CNOT6L: variants seen among roughly 807,000 people sequenced by gnomAD.
CNOT6L encodes the protein CCR4-NOT transcription complex subunit 6-like.
CNOT6L carries 7 observed loss-of-function variants against 64.0 expected under a neutral mutation model. The ratio of observed to expected loss-of-function variants is 0.11; its 90% CI spans 0.06 to 0.21. The LOEUF is 0.21. CNOT6L is among the 10% of genes least tolerant of loss of function. CNOT6L has a pLI of 1.00. For missense variants in CNOT6L, 245 were observed against 669.0 expected (o/e 0.37, Z 6.99); for synonymous variants, 193 against 243.4 (o/e 0.79, Z 1.93).
chr4:77,735,393 G>C (rs1210537229), intron 8 of CNOT6L, among the ~76,000 whole-genome samples: 1 of 152,158 alleles, frequency 6.6e-6, no homozygotes, highest in African/African-American at 2.4e-5. Flanking sequence ...GAAAACTGAG[G>C]CTGGGCAAGT....
At chr4:77,783,331 A>T (rs1265453702) in intron 1 of CNOT6L, among the ~76,000 whole-genome samples, 1 of 152,218 alleles carries the variant, frequency 6.6e-6, no homozygotes, top group East Asian at 1.9e-4. Flanking sequence ...AGGGTGCTTC[A>T]ATAGTGAACA....
intron 1 of CNOT6L, among the ~76,000 whole-genome samples, chr4:77,801,830 A>C (rs908271342): frequency 6.6e-6 from 1 of 152,158 alleles, no homozygotes; most frequent in Non-Finnish European, 1.5e-5. Context: ...CCGAGGCTAT[A>C]GCAAACTATG....
At chr4:77,816,710 T>C (rs1162023007) in intron 1 of CNOT6L, among the ~76,000 whole-genome samples, 1 of 152,208 alleles carries the variant, frequency 6.6e-6, no homozygotes, top group Non-Finnish European at 1.5e-5. Flanking sequence ...ATAAATTACG[T>C]AAGCCCTACT....
At chr4:77,722,504 A>G (rs1721387133) in intron 11 of CNOT6L, among the ~76,000 whole-genome samples, 3 of 152,176 alleles carry the variant, frequency 2.0e-5, no homozygotes. Context: ...CAGAGGTTGC[A>G]GTGTACTTAG....
chr4:77,805,191 C>T (rs903370989), intron 1 of CNOT6L, among the ~76,000 whole-genome samples: 3 of 152,098 alleles, frequency 2.0e-5, no homozygotes, highest in Non-Finnish European at 4.4e-5. Flanking sequence ...CAAGCTTGAT[C>T]GCCATGAAGC....
intron 6 of CNOT6L, 147 bp from the exon 7 acceptor site, chr4:77,745,022 A>C (rs1177619460): frequency 1.9e-6 from 1 of 523,032 alleles, no homozygotes; most frequent in Non-Finnish European, 3.2e-6. Context: ...AAAGATTGCT[A>C]ATCTACTAAA....
At chr4:77,778,309 T>C (rs976242913) in intron 1 of CNOT6L, among the ~76,000 whole-genome samples, 7 of 152,020 alleles carry the variant, frequency 4.6e-5, no homozygotes, top group African/African-American at 1.7e-4. Flanking sequence ...CAAATAGATC[T>C]AGATCCAAAG....
intron 4 of CNOT6L, among the ~76,000 whole-genome samples, chr4:77,757,581 A>G (rs935737689): frequency 4.6e-5 from 7 of 152,322 alleles, no homozygotes; most frequent in African/African-American, 1.7e-4. Flanking sequence ...CATTAAGACA[A>G]GCATGCAACA....
intron 1 of CNOT6L, among the ~76,000 whole-genome samples, chr4:77,805,990 C>T (rs372229307): frequency 1.5e-4 from 23 of 152,326 alleles, no homozygotes; most frequent in East Asian, 7.7e-4. Context: ...CTGCCTCTTC[C>T]GTTTTTCTCA....
chr4:77,808,401 G>A (rs1312723120), intron 1 of CNOT6L, among the ~76,000 whole-genome samples: 3 of 150,714 alleles, frequency 2.0e-5, no homozygotes, highest in African/African-American at 7.4e-5. Context: ...GGTGGAGGTT[G>A]CAGTGAGCTG....
chr4:77,805,205 A>T (rs896123036), intron 1 of CNOT6L, among the ~76,000 whole-genome samples: 1 of 152,230 alleles, frequency 6.6e-6, no homozygotes, highest in African/African-American at 2.4e-5. Context: ...ATGAAGCAGG[A>T]TAACCAGAAA....
intron 1 of CNOT6L, among the ~76,000 whole-genome samples, chr4:77,791,247 G>T (rs1449362202): frequency 3.3e-5 from 5 of 152,146 alleles, no homozygotes; most frequent in Non-Finnish European, 7.3e-5. Context: ...CTGCACTCCA[G>T]CCTGAGCAAC....
intron 1 of CNOT6L, among the ~76,000 whole-genome samples, chr4:77,800,576 T>C (rs930785908): frequency 1.3e-5 from 2 of 152,214 alleles, no homozygotes; most frequent in Non-Finnish European, 2.9e-5. Context: ...AAAGTCTGAA[T>C]AGCTGTAACA....
At chr4:77,741,584 T>A (rs556887401) in intron 8 of CNOT6L, among the ~76,000 whole-genome samples, 26 of 152,324 alleles carry the variant, frequency 1.7e-4, no homozygotes, top group Non-Finnish European at 2.9e-4. Flanking sequence ...TTACACCATA[T>A]GATATTGCAA....
At chr4:77,782,040 T>C (rs1728914865) in intron 1 of CNOT6L, among the ~76,000 whole-genome samples, 1 of 152,186 alleles carries the variant, frequency 6.6e-6, no homozygotes, top group Non-Finnish European at 1.5e-5. Context: ...ATTAAGCCTA[T>C]ATGAGGCTTA....
chr4:77,715,888 T>C lies in CNOT6L; in HGVS notation c.*4543A>G, dbSNP rs1720699518. Reference sequence around the variant, plus strand: ...TGGTAAATAAGACAGATTAAAGATGTACTAAAATGTTTGAATTAATTTTGG... The same window carrying C: ...TGGTAAATAAGACAGATTAAAGATGCACTAAAATGTTTGAATTAATTTTGG... On this transcript the variant is annotated 3_prime_UTR_variant, in exon 12 of 12. Transcript: ENST00000504123. The C allele has an allele frequency of 6.6e-6, 1 of 152,414 alleles. No homozygotes were observed. Among genetic ancestry groups the C allele is most frequent in the African/African-American group, 2.4e-5 (1 of 41,440 alleles). 9.4% of individuals were successfully genotyped at this position (152,414 alleles called of 1,614,324 possible). A position where few individuals can be genotyped will look rare whatever the true frequency, so the allele number is the denominator to read the frequency against.
intron 1 of CNOT6L, among the ~76,000 whole-genome samples, chr4:77,785,489 T>G (rs1426374052): frequency 1.3e-5 from 2 of 151,740 alleles, no homozygotes; most frequent in African/African-American, 4.8e-5. Context: ...TGTCAGGGTT[T>G]AAGAATAAAT....
At chr4:77,792,971 G>A (rs1730341935) in intron 1 of CNOT6L, among the ~76,000 whole-genome samples, 1 of 150,732 alleles carries the variant, frequency 6.6e-6, no homozygotes, top group Admixed American at 6.7e-5. Flanking sequence ...AATCTAGTAG[G>A]CAGAGGTCAC....
At chr4:77,782,392 G>A (rs1314952268) in intron 1 of CNOT6L, among the ~76,000 whole-genome samples, 1 of 152,112 alleles carries the variant, frequency 6.6e-6, no homozygotes. Flanking sequence ...GAGGACAGTG[G>A]TACAATCATA....
Sources: allele counts gnomAD v4.1 joint callset (sites outside exome capture counted in the v4.1 genomes callset), GRCh38; gene constraint gnomAD v4.1.1; transcripts MANE v1.5; gene names NCBI Gene and HGNC (gene_info 2026-07-23, HGNC 2026-07-21).